Variants in TMEM108 observed in about 807,000 individuals in gnomAD.
TMEM108 encodes the protein transmembrane protein 108, also known as cancer/testis antigen 124.
In TMEM108, 12 loss-of-function variants were observed where a neutral mutation model predicts 35.1. The observed-to-expected ratio is 0.34, with a 90% CI of 0.22 to 0.55. TMEM108 has a LOEUF of 0.55. TMEM108 is among the 20% of genes least tolerant of loss of function. The pLI is 0.89. For missense variants in TMEM108, 680 were observed against 753.3 expected (o/e 0.90, Z 1.14); for synonymous variants, 287 against 308.6 (o/e 0.93, Z 0.73).
At chr3:133,041,701 G>C (rs1457741710) in intron 1 of TMEM108, 1 of 121,722 alleles carries the variant, frequency 8.2e-6, no homozygotes, top group Non-Finnish European at 1.7e-5. Flanking sequence ...AAACGCACCC[G>C]GCATATGTAT....
At chr3:133,192,923 T>TGC (rs750794404) in intron 2 of TMEM108, 3 of 151,774 alleles carry the variant, frequency 2.0e-5, no homozygotes, top group South Asian at 2.1e-4. Flanking sequence ...TGTGTGTGTG[T>TGC]GCGCGTGTGT....
chr3:133,272,189 C>T lies in TMEM108; in HGVS notation c.40+42838C>T, dbSNP rs1052446401. On this transcript the variant is annotated intron_variant, in intron 3 of 5. Coordinates refer to ENST00000321871, the MANE Select transcript of TMEM108 (RefSeq NM_023943.4). ...TTTCTCTTAGGCATCTCATTTGTGT[C>T]ATCTAACACTTAGGGTAATGGGGCG... 5.3e-5 allele frequency among the ~76,000 whole-genome samples: 8 copies of T among 151,612 alleles called. No homozygotes were observed. The East Asian group carries it at 1.6e-3, about 29-fold the overall frequency.
At chr3:133,180,392 G>T (rs1177835508) in intron 2 of TMEM108, among the ~76,000 whole-genome samples, 2 of 151,932 alleles carry the variant, frequency 1.3e-5, no homozygotes, top group Non-Finnish European at 2.9e-5. Context: ...CTGGAAGAAG[G>T]CCTCAAGTCC....
chr3:133,176,795 A>C (rs1289475110), intron 2 of TMEM108, among the ~76,000 whole-genome samples: 1 of 152,164 alleles, frequency 6.6e-6, no homozygotes, highest in African/African-American at 2.4e-5. Context: ...AGCTAGCAGA[A>C]GGCAAGAAAT....
intron 3 of TMEM108, among the ~76,000 whole-genome samples, chr3:133,289,385 A>C (rs955353003): frequency 1.3e-5 from 2 of 152,192 alleles, no homozygotes; most frequent in Admixed American, 1.3e-4. Flanking sequence ...AACAGCACCA[A>C]AGTGCCCTAG....
At chr3:133,144,792 C>A (rs961970101) in intron 2 of TMEM108, among the ~76,000 whole-genome samples, 3 of 152,092 alleles carry the variant, frequency 2.0e-5, no homozygotes, top group Admixed American at 6.5e-5. Context: ...TCATGTCCTT[C>A]GCCCACTTTT....
chr3:133,355,296 T>C (rs1013594907), intron 3 of TMEM108, among the ~76,000 whole-genome samples: 1 of 152,182 alleles, frequency 6.6e-6, no homozygotes, highest in African/African-American at 2.4e-5. Flanking sequence ...TAGGCTTATG[T>C]TGTTAGAGAA....
intron 2 of TMEM108, among the ~76,000 whole-genome samples, chr3:133,071,022 C>T (rs549078381): frequency 2.1e-4 from 32 of 152,232 alleles, no homozygotes; most frequent in African/African-American, 7.2e-4. Context: ...TGTTTGTCCC[C>T]TCTCTGTTAC....
chr3:133,324,666 G>A (rs1377695859), intron 3 of TMEM108, among the ~76,000 whole-genome samples: 2 of 152,154 alleles, frequency 1.3e-5, no homozygotes, highest in Non-Finnish European at 2.9e-5. Flanking sequence ...TCTCACTACT[G>A]GGTATCCACC....
intron 2 of TMEM108, among the ~76,000 whole-genome samples, chr3:133,162,268 A>G (rs560644070): frequency 1.3e-5 from 2 of 152,238 alleles, no homozygotes; most frequent in Non-Finnish European, 2.9e-5. Context: ...CATTAAAACC[A>G]TTTGTTTACT....
At chr3:133,274,097 G>A (rs372390484) in intron 3 of TMEM108, among the ~76,000 whole-genome samples, 2 of 152,240 alleles carry the variant, frequency 1.3e-5, no homozygotes, top group East Asian at 1.9e-4. Flanking sequence ...GCTTCCCAGC[G>A]AGTTTGTATG....
intron 3 of TMEM108, among the ~76,000 whole-genome samples, chr3:133,305,369 TG>T (rs1375252440): frequency 0.014 from 664 of 47,722 alleles, 10 homozygotes; most frequent in African/African-American, 0.05. Context: ...TGTGGTGGGG[TG>T]GGGGGAGGGG....
intron 2 of TMEM108, among the ~76,000 whole-genome samples, chr3:133,180,354 A>T (rs1401206754): frequency 6.6e-6 from 1 of 152,196 alleles, no homozygotes; most frequent in Admixed American, 6.5e-5. Flanking sequence ...TGAACCTAAT[A>T]TAGGCCTGAC....
chr3:133,235,198 A>G lies in TMEM108; in HGVS notation c.40+5847A>G, dbSNP rs377294648. ...CTGCCCAAGGTAATTTATAGATTCA[A>G]TGCCATCCCCATCAAGCTACCAATG... On this transcript the variant is annotated intron_variant, in intron 3 of 5. Coordinates refer to ENST00000321871, the MANE Select transcript of TMEM108 (RefSeq NM_023943.4). Among the ~76,000 whole-genome samples the G allele has an allele frequency of 3.6e-3, 542 of 152,260 alleles. 3 individuals are homozygous for G. The highest frequency in any genetic ancestry group is 0.012 in the African/African-American group (495 of 41,546).
At chr3:133,365,422 A>C (rs535009557) in intron 3 of TMEM108, among the ~76,000 whole-genome samples, 201 of 152,330 alleles carry the variant, frequency 1.3e-3, no homozygotes, top group African/African-American at 4.8e-3. Flanking sequence ...GAAAGAGAAA[A>C]GGGAGGGCAC....
chr3:133,172,687 C>G (rs946810121), intron 2 of TMEM108, among the ~76,000 whole-genome samples: 11 of 152,154 alleles, frequency 7.2e-5, no homozygotes, highest in Non-Finnish European at 8.8e-5. Flanking sequence ...AAAGTTGGTA[C>G]ATGGTTTAAG....
chr3:133,107,493 TG>T (rs768093566), intron 2 of TMEM108, among the ~76,000 whole-genome samples: 210 of 150,976 alleles, frequency 1.4e-3, no homozygotes, highest in Non-Finnish European at 1.9e-3. Flanking sequence ...TGTGTGTGTG[TG>T]TGTATAAAAT....
chr3:133,388,054 AG>A (rs2073179948), intron 4 of TMEM108: 1 of 985,354 alleles, frequency 1.0e-6, no homozygotes, highest in Non-Finnish European at 1.2e-6. Context: ...GTGCCCCTAC[AG>A]GCTGATAACT....
intron 2 of TMEM108, among the ~76,000 whole-genome samples, chr3:133,120,275 A>G (rs1242551817): frequency 1.3e-5 from 2 of 152,220 alleles, no homozygotes; most frequent in East Asian, 1.9e-4. Context: ...CTCTGCAAGA[A>G]GATTGTATTG....
Sources: allele counts gnomAD v4.1 joint callset (sites outside exome capture counted in the v4.1 genomes callset), GRCh38; gene constraint gnomAD v4.1.1; transcripts MANE v1.5; gene names NCBI Gene and HGNC (gene_info 2026-07-23, HGNC 2026-07-21).